Variants in ABCG1 observed in about 807,000 individuals in gnomAD.
The protein encoded by ABCG1 is ATP-binding cassette sub-family G member 1.
Under a neutral mutation model 69.2 loss-of-function variants are expected in ABCG1, and 29 were observed. That is an observed-to-expected ratio of 0.42 (90% confidence interval 0.31 to 0.57). ABCG1 has a LOEUF of 0.57. Among genes scored for constraint, ABCG1 ranks in the 20% least tolerant of loss-of-function variants. The pLI is 0.15. For synonymous variants in ABCG1, 370 were observed against 374.8 expected (o/e 0.99, Z 0.15); for missense variants, 718 against 898.1 (o/e 0.80, Z 2.56).
intron 2 of ABCG1, among the ~76,000 whole-genome samples, chr21:42,202,830 C>G (rs1432442119): frequency 6.6e-6 from 1 of 152,130 alleles, no homozygotes; most frequent in African/African-American, 2.4e-5. Flanking sequence ...TCAGGCTGGT[C>G]TTGAACTCCT....
intron 2 of ABCG1, among the ~76,000 whole-genome samples, chr21:42,238,823 C>T (rs557146268): frequency 2.6e-5 from 4 of 152,120 alleles, no homozygotes; most frequent in Non-Finnish European, 2.9e-5. Flanking sequence ...GTTGGCAGCT[C>T]GTGGCAGGGA....
rs1002889091 is a variant in ABCG1 at position 42,296,722 on chromosome 21, C to T, written c.*330C>T. 6 of 355,858 alleles carry T rather than the reference C, an allele frequency of 1.7e-5. No individual in the cohort carries two copies. Among genetic ancestry groups the T allele is most frequent in the Non-Finnish European group, 2.7e-5 (5 of 187,650 alleles). The allele number at this position is 355,858 out of a possible 1,614,324, so 22.0% of individuals were successfully genotyped here. ...TGATGAGAGGCTTCCTCAGTCCAGT[C>T]GCTCCTTAGCACCAGGCACCGTGGG... On this transcript the variant is annotated 3_prime_UTR_variant, in exon 15 of 15. Transcript: ENST00000398449. The surrounding 1 kb of genome is among the most constrained non-coding windows in gnomAD (Gnocchi z 5.4).
chr21:42,200,582 AC>A (rs752415332), intron 1 of ABCG1, among the ~76,000 whole-genome samples: 1 of 146,934 alleles, frequency 6.8e-6, no homozygotes, highest in Non-Finnish European at 1.5e-5. Flanking sequence ...CAAATGCAAT[AC>A]TTTTATGTTG....
At chr21:42,245,172 C>G (rs2068113164) in intron 2 of ABCG1, among the ~76,000 whole-genome samples, 1 of 152,054 alleles carries the variant, frequency 6.6e-6, no homozygotes, top group African/African-American at 2.4e-5. Context: ...CACTTTGTAC[C>G]AGGGAGTGGA....
In ABCG1 at chr21:42,287,033, C is replaced by T. The variant is rs762899557; in HGVS notation, c.974-856C>T. ...GGCCTCCGTACCAGCTGGGAGGAAG[C>T]GGGTAGCTGGCTCTGCCAGAGGGAA... On this transcript the variant is annotated intron_variant, in intron 8 of 14. Coordinates refer to ENST00000398449, the MANE Select transcript of ABCG1 (RefSeq NM_016818.3). The surrounding 1 kb of genome is among the most constrained non-coding windows in gnomAD (Gnocchi z 6.2). 1.4e-4 allele frequency among the ~76,000 whole-genome samples: 22 copies of T among 152,152 alleles called. No homozygotes were observed. The highest frequency in any genetic ancestry group is 4.3e-4 in the African/African-American group (18 of 41,496).
At chr21:42,265,898 G>A (rs925225822) in intron 2 of ABCG1, among the ~76,000 whole-genome samples, 2 of 152,188 alleles carry the variant, frequency 1.3e-5, no homozygotes, top group African/African-American at 2.4e-5. Context: ...CTTGCCCCTC[G>A]TGGCTTGAGG....
rs550454598 is a variant in ABCG1 at position 42,250,895 on chromosome 21, G to A, written c.287-20175G>A. 7.9e-5 allele frequency among the ~76,000 whole-genome samples: 12 copies of A among 152,314 alleles called. No homozygotes were observed. In the South Asian group the frequency reaches 1.7e-3, roughly 21 times the overall value. On this transcript the variant is annotated intron_variant, in intron 2 of 14. Coordinates refer to ENST00000398449, the MANE Select transcript of ABCG1 (RefSeq NM_016818.3). ...GTGGCCCCCAGACCCCGCAGGGATC[G>A]GCTTGGGAGAGACCCACCAGACACA...
intron 2 of ABCG1, among the ~76,000 whole-genome samples, chr21:42,209,824 C>T (rs2067572284): frequency 6.6e-6 from 1 of 152,232 alleles, no homozygotes; most frequent in African/African-American, 2.4e-5. Context: ...CTGAGGTGAA[C>T]AGGATGGATC....
chr21:42,223,054 G>A (rs572147506), intron 1 of ABCG1, among the ~76,000 whole-genome samples: 10 of 152,264 alleles, frequency 6.6e-5, no homozygotes, highest in African/African-American at 1.9e-4. Context: ...TGCAAAACCC[G>A]TAACCAAGTT....
intron 2 of ABCG1, 75 bp downstream of exon 2, chr21:42,225,989 T>C: frequency 1.3e-6 from 2 of 1,554,174 alleles, no homozygotes; most frequent in Non-Finnish European, 1.7e-6. Context: ...TTGGGCAAAA[T>C]CGGGGTCTGG....
chr21:42,234,739 C>A (rs1177263555), intron 2 of ABCG1, among the ~76,000 whole-genome samples: 1 of 152,228 alleles, frequency 6.6e-6, no homozygotes, highest in Non-Finnish European at 1.5e-5. Context: ...CCTGTGGACG[C>A]AGGGTGACGT....
At chr21:42,259,184 C>A (rs919467329) in intron 2 of ABCG1, 1 of 1,403,364 alleles carries the variant, frequency 7.1e-7, no homozygotes, top group Non-Finnish European at 9.3e-7. Context: ...GTGAGAGAGA[C>A]GACATTGCGT....
upstream of ABCG1, among the ~76,000 whole-genome samples, chr21:42,212,099 G>A (rs2890566): frequency 0.043 from 6,516 of 152,194 alleles, 464 homozygotes; most frequent in African/African-American, 0.15. Flanking sequence ...ATTTTCTGGC[G>A]TCTTGAATTT....
At chr21:42,203,940 T>C (rs2067524862) in intron 2 of ABCG1, among the ~76,000 whole-genome samples, 1 of 152,238 alleles carries the variant, frequency 6.6e-6, no homozygotes, top group South Asian at 2.1e-4. Flanking sequence ...ATTTTGTAGG[T>C]TTTAGCATAC....
chr21:42,232,511 A>G (rs917133426), intron 2 of ABCG1, among the ~76,000 whole-genome samples: 8 of 152,316 alleles, frequency 5.3e-5, no homozygotes, highest in African/African-American at 1.4e-4. Flanking sequence ...ACATGTTAAT[A>G]CTTTGTCATT....
intron 5 of ABCG1, among the ~76,000 whole-genome samples, chr21:42,280,174 A>C (rs910910618): frequency 5.3e-5 from 8 of 152,228 alleles, no homozygotes; most frequent in Admixed American, 2.0e-4. Context: ...ATGCCTCGCC[A>C]TCGGGCCCAC....
chr21:42,294,853 A>C, intron 14 of ABCG1, 193 bp downstream of exon 14: 1 of 569,846 alleles, frequency 1.8e-6, no homozygotes, highest in Non-Finnish European at 3.2e-6. Context: ...CACACACTAA[A>C]CAAGGAGGCC....
chr21:42,293,262 C>T (rs1056371638), intron 13 of ABCG1, among the ~76,000 whole-genome samples: 1 of 142,162 alleles, frequency 7.0e-6, no homozygotes, highest in Non-Finnish European at 1.5e-5. Context: ...ACACACCATA[C>T]ACTACACACA....
chr21:42,268,428 A>T (rs2068557222), intron 2 of ABCG1, among the ~76,000 whole-genome samples: 1 of 151,756 alleles, frequency 6.6e-6, no homozygotes, highest in Non-Finnish European at 1.5e-5. Context: ...CGACTACCAC[A>T]GGAAGCCTCT....
Sources: gnomAD v4.1 joint callset for allele counts (sites outside exome capture counted in the v4.1 genomes callset) on GRCh38, gnomAD v4.1.1 for gene constraint, Gnocchi (gnomAD v3.1) non-coding constraint, MANE v1.5 for transcripts, NCBI Gene and HGNC (gene_info 2026-07-23, HGNC 2026-07-21) for gene names.